The following GFRA2 variants were observed in gnomAD, a reference collection of about 807,000 sequenced individuals.
The protein encoded by GFRA2 is GDNF family receptor alpha-2.
Under a neutral mutation model 48.3 loss-of-function variants are expected in GFRA2, and 17 were observed. The ratio of observed to expected loss-of-function variants is 0.35; its 90% CI spans 0.24 to 0.53. The LOEUF (loss-of-function observed/expected upper bound fraction) is 0.53, where lower values mean the gene tolerates loss of function less well. GFRA2 is among the 20% of genes least tolerant of loss of function. The pLI, the probability that GFRA2 is intolerant of heterozygous loss-of-function variation, is 0.93. For synonymous variants in GFRA2, 305 were observed against 257.2 expected (o/e 1.19, Z -1.78); for missense variants, 660 against 637.3 (o/e 1.04, Z -0.38).
chr8:21,738,290 T>A (rs1395243198), intron 4 of GFRA2, among the ~76,000 whole-genome samples: 1 of 147,176 alleles, frequency 6.8e-6, no homozygotes, highest in Non-Finnish European at 1.5e-5. Context: ...GCCACAGACC[T>A]TAGCACCATC....
intron 3 of GFRA2, among the ~76,000 whole-genome samples, chr8:21,763,341 C>A (rs1805999993): frequency 6.6e-6 from 1 of 152,054 alleles, no homozygotes; most frequent in South Asian, 2.1e-4. Context: ...TCATTTCTGC[C>A]CCATCTGTCC....
At chr8:21,779,563 T>C (rs34570283) in intron 2 of GFRA2, 61,462 of 152,022 alleles carry the variant, frequency 0.4, 13,506 homozygotes, top group African/African-American at 0.56. Flanking sequence ...GCTCAGGCAT[T>C]GAGCGCTTTA....
intron 1 of GFRA2, among the ~76,000 whole-genome samples, chr8:21,812,076 C>A (rs190596042): frequency 1.3e-5 from 2 of 152,322 alleles, no homozygotes; most frequent in African/African-American, 2.4e-5. Flanking sequence ...GTCATTTTGT[C>A]ATTTCCAGTC....
At chr8:21,791,078 G>C (rs1807565273), upstream of GFRA2, among the ~76,000 whole-genome samples, 1 of 152,060 alleles carries the variant, frequency 6.6e-6, no homozygotes, top group African/African-American at 2.4e-5. Flanking sequence ...CCAAACTCCA[G>C]AATTTCTGCT....
chr8:21,709,624 A>T (rs183780159), intron 4 of GFRA2, among the ~76,000 whole-genome samples: 101 of 152,128 alleles, frequency 6.6e-4, no homozygotes, highest in African/African-American at 2.3e-3. Context: ...GCAGTGGGAG[A>T]TCATTGCTTG....
intron 1 of GFRA2, chr8:21,784,199 CA>C (rs1286899852): frequency 6.9e-6 from 3 of 435,130 alleles, no homozygotes; most frequent in Non-Finnish European, 1.4e-5. Context: ...CTGATCCTTT[CA>C]AAGCCAAGCT....
chr8:21,747,132 A>G (rs1253971606), intron 4 of GFRA2, among the ~76,000 whole-genome samples: 1 of 152,144 alleles, frequency 6.6e-6, no homozygotes, highest in Non-Finnish European at 1.5e-5. Flanking sequence ...GGTCTTTTCC[A>G]GCCCCTTCAA....
rs375321442 is a variant in GFRA2 at position 21,773,999 on chromosome 8, C to A, written c.439+973G>T. On this transcript the variant is annotated intron_variant, in intron 3 of 8. Transcript: ENST00000524240. Reference sequence around the variant, plus strand: ...TCAATAGTGCTGCTGTTGAAAACCCCGCTTTAGAGCCACAGAAACTCCAGA... The same window carrying A: ...TCAATAGTGCTGCTGTTGAAAACCCAGCTTTAGAGCCACAGAAACTCCAGA... Among the ~76,000 whole-genome samples the A allele has an allele frequency of 8.3e-3, 1,258 of 152,276 alleles. 11 individuals carry two copies. The highest frequency in any genetic ancestry group is 0.028 in the African/African-American group (1,149 of 41,530).
chr8:21,799,819 G>C (rs1434344812), intron 2 of GFRA2, among the ~76,000 whole-genome samples: 1 of 152,170 alleles, frequency 6.6e-6, no homozygotes, highest in African/African-American at 2.4e-5. Context: ...GAAACACAGG[G>C]CTCCCCCAAC....
intron 4 of GFRA2, among the ~76,000 whole-genome samples, chr8:21,747,580 C>T (rs6991096): frequency 0.015 from 2,356 of 152,226 alleles, 57 homozygotes; most frequent in African/African-American, 0.053. Context: ...GGTCTGCAAA[C>T]CAAACAAAGT....
At position 21,782,889 on chromosome 8, in the gene GFRA2, G is replaced by T; in HGVS notation, c.51C>A (p.Leu17=). 1 of 1,556,804 alleles carries T rather than the reference G, an allele frequency of 6.4e-7. No homozygotes were observed. Among genetic ancestry groups the T allele is most frequent in the Non-Finnish European group, 8.6e-7 (1 of 1,158,546 alleles). Residue 17 remains leucine, a synonymous_variant, in exon 2 of 9, where the codon CTC becomes CTA. Coordinates refer to ENST00000524240, the MANE Select transcript of GFRA2 (RefSeq NM_001495.5). ...FCLFFFLDET[L]RSLASPSSLQ... ...GGGAGGAAGGGCTGGCCAAAGAGCG[G>T]AGGGTCTCGTCTGGGTGGTGGGGAG...
chr8:21,765,046 C>A (rs955420547), intron 3 of GFRA2, among the ~76,000 whole-genome samples: 2 of 152,158 alleles, frequency 1.3e-5, no homozygotes, highest in African/African-American at 4.8e-5. Context: ...ACTGGCTTGA[C>A]TTCTGGGCTG....
chr8:21,809,074 T>G (rs531500663), intron 1 of GFRA2, among the ~76,000 whole-genome samples: 1 of 152,296 alleles, frequency 6.6e-6, no homozygotes, highest in African/African-American at 2.4e-5. Flanking sequence ...GAGGGTAGTG[T>G]GCCCATTTAG....
intron 4 of GFRA2, among the ~76,000 whole-genome samples, chr8:21,742,749 T>C (rs1453951983): frequency 2.0e-5 from 3 of 152,170 alleles, no homozygotes; most frequent in African/African-American, 7.2e-5. Context: ...GTAAGTGACC[T>C]GCCACGAATG....
At chr8:21,792,418 C>CATGG (rs750272274), upstream of GFRA2, among the ~76,000 whole-genome samples, 46 of 152,312 alleles carry the variant, frequency 3.0e-4, no homozygotes, top group Middle Eastern at 6.8e-3. Context: ...TGTCCTCTGC[C>CATGG]ATGGGACAGA....
At chr8:21,703,393 C>T (rs536040211) in intron 6 of GFRA2, among the ~76,000 whole-genome samples, 20 of 152,154 alleles carry the variant, frequency 1.3e-4, no homozygotes, top group Admixed American at 6.5e-4. Context: ...TGTGCCTCCT[C>T]GGATGTTCCC....
intron 4 of GFRA2, among the ~76,000 whole-genome samples, chr8:21,715,945 C>G (rs1280918702): frequency 1.3e-5 from 2 of 152,146 alleles, no homozygotes; most frequent in Middle Eastern, 3.2e-3. Flanking sequence ...TGGGATTCTC[C>G]TCTGCCCTTC....
intron 4 of GFRA2, among the ~76,000 whole-genome samples, chr8:21,724,440 C>T (rs1443339881): frequency 6.6e-6 from 1 of 152,090 alleles, no homozygotes; most frequent in East Asian, 1.9e-4. Flanking sequence ...TGAGGAAAGT[C>T]GACCAGTGGC....
chr8:21,752,883 A>C (rs1743026280), intron 3 of GFRA2, among the ~76,000 whole-genome samples: 1 of 151,968 alleles, frequency 6.6e-6, no homozygotes, highest in Non-Finnish European at 1.5e-5. Flanking sequence ...CCACCTTCAA[A>C]ATACAGCCAG....
Sources: gnomAD v4.1 joint callset for allele counts (sites outside exome capture counted in the v4.1 genomes callset) on GRCh38, gnomAD v4.1.1 for gene constraint, MANE v1.5 for transcripts, NCBI Gene and HGNC (gene_info 2026-07-23, HGNC 2026-07-21) for gene names.